Variants in AKAP9 observed in about 807,000 individuals in gnomAD.
AKAP9 encodes the protein A-kinase anchor protein 9.
Under a neutral mutation model 488.5 loss-of-function variants are expected in AKAP9, and 311 were observed. The ratio of observed to expected loss-of-function variants is 0.64; its 90% CI spans 0.58 to 0.70. The LOEUF is 0.70. AKAP9 is among the 30% of genes least tolerant of loss of function. The pLI is 0.00. For synonymous variants in AKAP9, 1,462 were observed against 1,483.5 expected (o/e 0.99, Z 0.33); for missense variants, 4,215 against 4,374.5 (o/e 0.96, Z 1.03).
chr7:92,037,734 C>T (rs1002167571), intron 16 of AKAP9, among the ~76,000 whole-genome samples: 1 of 152,066 alleles, frequency 6.6e-6, no homozygotes, highest in African/African-American at 2.4e-5. Flanking sequence ...CTAAGTGTTC[C>T]GCTTCTGGGA....
rs755857275 is a variant in AKAP9 at position 92,016,192 on chromosome 7, G to A, written c.3676G>A (p.Asp1226Asn). 11 of 1,590,124 alleles carry A rather than the reference G, an allele frequency of 6.9e-6. No homozygotes were observed. The highest frequency in any genetic ancestry group is 9.5e-6 in the Non-Finnish European group (11 of 1,159,184). ...TTTAAAATGTGAAGTAAATGCAGAA[G>A]ACAAAGAGAATTCTGGTGATTACAT... is the stretch of plus-strand genomic sequence containing the variant. ...PALKCEVNAEDKENSGDYISE... is the reference protein window; with the variant it reads ...PALKCEVNAENKENSGDYISE... Residue 1226 changes from aspartate to asparagine, a missense_variant, in exon 11 of 50, where the codon GAC (aspartate) becomes AAC (asparagine). By Grantham distance (23) the Asp-to-Asn change is conservative. Around this residue, in one of 5 missense-constraint regions of AKAP9, gnomAD observed 2,361 missense variants for 2,430.0 expected, o/e 0.97. Transcript: ENST00000356239.
intron 1 of AKAP9, among the ~76,000 whole-genome samples, chr7:91,972,147 G>T (rs924057563): frequency 6.6e-6 from 1 of 151,992 alleles, no homozygotes; most frequent in Non-Finnish European, 1.5e-5. Flanking sequence ...CTGGCTAGGG[G>T]CTCGTGCCCA....
intron 25 of AKAP9, among the ~76,000 whole-genome samples, chr7:92,065,957 T>C (rs1221009818): frequency 1.3e-5 from 2 of 152,294 alleles, no homozygotes; most frequent in African/African-American, 4.8e-5. Flanking sequence ...CACTTAAGCC[T>C]GATACTCTCT....
intron 14 of AKAP9, among the ~76,000 whole-genome samples, chr7:92,024,264 T>C (rs1272173455): frequency 1.3e-5 from 2 of 151,430 alleles, no homozygotes; most frequent in African/African-American, 4.8e-5. Flanking sequence ...ATATAAAAAT[T>C]AGCCGGGCAT....
chr7:91,963,476 T>A (rs551898778), intron 1 of AKAP9, among the ~76,000 whole-genome samples: 1 of 130,990 alleles, frequency 7.6e-6, no homozygotes, highest in Admixed American at 8.6e-5. Flanking sequence ...GTAGATAACA[T>A]ATTTGTCACA....
chr7:91,984,040 C>A (rs946155722), intron 3 of AKAP9, among the ~76,000 whole-genome samples: 5 of 152,068 alleles, frequency 3.3e-5, no homozygotes, highest in African/African-American at 1.2e-4. Flanking sequence ...AGCCCTTTGT[C>A]AGATAAGTAG....
chr7:92,086,718 T>G (rs1814632181), intron 37 of AKAP9, among the ~76,000 whole-genome samples: 1 of 152,216 alleles, frequency 6.6e-6, no homozygotes, highest in African/African-American at 2.4e-5. Context: ...CTCTGAACAT[T>G]GAGCGGTCAT....
At chr7:92,098,023 A>G in intron 42 of AKAP9, 86 bp from the exon 43 acceptor site, 1 of 931,316 alleles carries the variant, frequency 1.1e-6, no homozygotes, top group Middle Eastern at 2.1e-4. Context: ...TAGGTGAAGT[A>G]GAACGTCGCC....
chr7:92,073,067 C>A (rs1811981985), intron 28 of AKAP9, among the ~76,000 whole-genome samples: 1 of 152,062 alleles, frequency 6.6e-6, no homozygotes, highest in Non-Finnish European at 1.5e-5. Context: ...TTAAAGACTG[C>A]CATTCAACAT....
At position 92,031,610 on chromosome 7, in the gene AKAP9, C is replaced by T; in HGVS notation, c.4338+6C>T. The T allele has an allele frequency of 6.3e-7, 1 of 1,575,492 alleles. No individual in the cohort carries two copies. The highest frequency in any genetic ancestry group is 1.1e-5 in the South Asian group (1 of 90,266). Reference sequence around the variant, plus strand: ...TAGAAGAAGAAGTAGCTAAGGTAGGCTTATAGCTTATCTGGAAGATTATCT... The same window carrying T: ...TAGAAGAAGAAGTAGCTAAGGTAGGTTTATAGCTTATCTGGAAGATTATCT... On this transcript the variant is annotated splice_donor_region_variant and intron_variant, in intron 16 of 49. Coordinates refer to ENST00000356239, the MANE Select transcript of AKAP9 (RefSeq NM_005751.5).
intron 3 of AKAP9, among the ~76,000 whole-genome samples, chr7:91,982,559 T>C (rs554533803): frequency 6.6e-5 from 10 of 152,326 alleles, no homozygotes; most frequent in Admixed American, 6.5e-4. Context: ...CCATGATATG[T>C]ATGTGCCACA....
Position 92,079,493 on chromosome 7 carries a change from G to A in AKAP9, c.7360G>A (p.Ala2454Thr), listed in dbSNP as rs768712909. 6.2e-7 allele frequency: 1 copy of A among 1,613,962 alleles called. No individual in the cohort carries two copies. Among genetic ancestry groups the A allele is most frequent in the Non-Finnish European group, 8.5e-7 (1 of 1,180,004 alleles). The change falls in exon 31 of 50, where the codon GCT (alanine) becomes ACT (threonine). Residue 2454 changes from alanine to threonine, a missense_variant. Physicochemically the swap from Ala to Thr is moderately conservative, Grantham distance 58 (BLOSUM62 0). Coordinates refer to ENST00000356239, the MANE Select transcript of AKAP9 (RefSeq NM_005751.5). Reference protein sequence around the residue: ...QSIPENSVNVAIDHLSKDKPE... With the variant: ...QSIPENSVNVTIDHLSKDKPE... Reference sequence around the variant, plus strand: ...CATACCAGAGAATAGTGTTAACGTGGCTATAGATCATCTGAGCAAAGACAA... The same window carrying A: ...CATACCAGAGAATAGTGTTAACGTGACTATAGATCATCTGAGCAAAGACAA...
chr7:91,992,858 A>G, intron 4 of AKAP9, 27 bp from the exon 5 acceptor site: 6 of 1,606,632 alleles, frequency 3.7e-6, no homozygotes, highest in Non-Finnish European at 5.1e-6. Context: ...CTAATACTGA[A>G]TTCTTTAAAA....
intron 28 of AKAP9, among the ~76,000 whole-genome samples, chr7:92,074,378 A>T (rs758377563): frequency 6.6e-6 from 1 of 152,168 alleles, no homozygotes; most frequent in Non-Finnish European, 1.5e-5. Context: ...GCTGGAGAGG[A>T]TGTGGAGAAA....
At chr7:91,973,113 G>A (rs1469044591) in intron 1 of AKAP9, among the ~76,000 whole-genome samples, 2 of 151,858 alleles carry the variant, frequency 1.3e-5, no homozygotes, top group Non-Finnish European at 2.9e-5. Context: ...ACTGGCTCAC[G>A]TCTGTAATCC....
chr7:91,941,117 A>C lies in AKAP9; in HGVS notation c.18A>C (p.Arg6Ser). Residue 6 changes from arginine to serine, a missense_variant, in exon 1 of 50, where the codon AGA becomes AGC. Transcript: ENST00000356239. MEDEE[R>S]QKKLEAGKAK... The stretch of plus-strand genomic sequence containing the variant: ...CAGAGGCCATGGAGGACGAGGAGAG[A>C]CAGAAGAAGCTGGAGGCCGGCAAAG... 1 of 1,613,942 alleles carries C rather than the reference A, an allele frequency of 6.2e-7. No individual in the cohort carries two copies. The highest frequency in any genetic ancestry group is 1.3e-5 in the African/African-American group (1 of 74,992).
At chr7:92,098,397 G>A (rs369450734) in intron 43 of AKAP9, among the ~76,000 whole-genome samples, 183 bp downstream of exon 43, 1 of 151,910 alleles carries the variant, frequency 6.6e-6, no homozygotes, top group Admixed American at 6.6e-5. Flanking sequence ...GAAAGCTTAG[G>A]GGGGGAATTA....
chr7:91,983,558 T>C (rs906937156), intron 3 of AKAP9, among the ~76,000 whole-genome samples: 5 of 152,240 alleles, frequency 3.3e-5, no homozygotes, highest in Non-Finnish European at 7.3e-5. Flanking sequence ...ATCCTTTGGG[T>C]ATATACCCAG....
intron 38 of AKAP9, among the ~76,000 whole-genome samples, chr7:92,091,480 G>C (rs1349483195): frequency 6.6e-6 from 1 of 151,820 alleles, no homozygotes; most frequent in African/African-American, 2.4e-5. Context: ...CAGCTACTCG[G>C]GAGGCTGAGG....
Sources: allele counts gnomAD v4.1 joint callset (sites outside exome capture counted in the v4.1 genomes callset), GRCh38; gene constraint gnomAD v4.1.1; regional missense constraint gnomAD v4.1.1; transcripts MANE v1.5; gene names NCBI Gene and HGNC (gene_info 2026-07-23, HGNC 2026-07-21).